The following STK38L variants were observed in gnomAD, a reference collection of about 807,000 sequenced individuals.
The protein encoded by STK38L is serine/threonine kinase 38 like, also known as serine/threonine-protein kinase 38-like.
STK38L carries 28 observed loss-of-function variants against 59.7 expected under a neutral mutation model. The ratio of observed to expected loss-of-function variants is 0.47; its 90% CI spans 0.35 to 0.64. The LOEUF (loss-of-function observed/expected upper bound fraction) is 0.64, where lower values mean the gene tolerates loss of function less well. Among genes scored for constraint, STK38L ranks in the 30% least tolerant of loss-of-function variants. The probability of loss-of-function intolerance (pLI) is 0.01; values close to 1 mark genes in which losing one functional copy is unlikely to be tolerated. For synonymous variants in STK38L, 162 were observed against 176.8 expected (o/e 0.92, Z 0.66); for missense variants, 314 against 555.8 (o/e 0.56, Z 4.37).
chr12:27,317,344 C>T lies in STK38L; in HGVS notation c.846C>T (p.Ser282=), dbSNP rs763665855. The T allele has an allele frequency of 1.9e-6, 3 of 1,604,978 alleles. No homozygotes were observed. The Admixed American group carries it at 5.2e-5, about 28-fold the overall frequency. The change falls in exon 10 of 14, where the codon TCC becomes TCT. Residue 282 remains serine (S), a synonymous_variant. Transcript: ENST00000389032. ...WKKNRRQLAY[S]TVGTPDYIAP... ...GAGTTGCTCCTTTGTAGGCATATTC[C>T]ACAGTTGGGACACCAGATTACATTG...
chr12:27,261,592 C>T (rs1387311653), intron 1 of STK38L, among the ~76,000 whole-genome samples: 2 of 152,168 alleles, frequency 1.3e-5, no homozygotes, highest in Non-Finnish European at 2.9e-5. Flanking sequence ...TTCATTGTTA[C>T]AGTAATATCT....
At chr12:27,307,331 T>C (rs1294271804) in intron 3 of STK38L, among the ~76,000 whole-genome samples, 1 of 152,240 alleles carries the variant, frequency 6.6e-6, no homozygotes, top group Non-Finnish European at 1.5e-5. Context: ...CAGAATTCCA[T>C]TGCATTGATA....
intron 1 of STK38L, among the ~76,000 whole-genome samples, chr12:27,288,987 T>C (rs1220074668): frequency 1.3e-5 from 2 of 152,308 alleles, no homozygotes; most frequent in African/African-American, 4.8e-5. Flanking sequence ...ATGCCCATAC[T>C]ATCTAAAAGT....
At chr12:27,286,119 T>C (rs1943766213) in intron 1 of STK38L, among the ~76,000 whole-genome samples, 1 of 152,200 alleles carries the variant, frequency 6.6e-6, no homozygotes, top group African/African-American at 2.4e-5. Flanking sequence ...CATCCAACTT[T>C]TTTTTGCTGT....
rs1943744871 is a variant in STK38L at position 27,285,158 on chromosome 12, C to T, written c.-11-12552C>T. Among the ~76,000 whole-genome samples, 3 of 152,268 alleles carry T rather than the reference C, an allele frequency of 2.0e-5. No individual in the cohort carries two copies. The South Asian group carries it at 6.2e-4, about 32-fold the overall frequency. ...ACCCCCAAAGGACTGCTGCTTCTGG[C>T]TCTTAAGTTGTTAAAACATTAGTCT... On this transcript the variant is annotated intron_variant, in intron 1 of 13. Transcript: ENST00000389032.
At position 27,320,442 on chromosome 12, in the gene STK38L, A is replaced by ATTT. The variant is rs34281958; in HGVS notation, c.1175+1039_1175+1041dup. On this transcript the variant is annotated intron_variant, in intron 12 of 13. Transcript: ENST00000389032. ...CCACCACACCCAGCTAATTTTGTTGATTTTTTTTTTTTTTTTTTTTTTGTA... is the reference window on the plus strand; with the variant it reads ...CCACCACACCCAGCTAATTTTGTTGATTTTTTTTTTTTTTTTTTTTTTTTTGTA... 2.7e-3 allele frequency among the ~76,000 whole-genome samples: 251 copies of ATTT among 91,870 alleles called. 3 individuals are homozygous for ATTT. The highest frequency in any genetic ancestry group is 4.6e-3 in the East Asian group (14 of 3,012). 60.3% of individuals were successfully genotyped at this position (91,870 alleles called of 152,430 possible).
intron 5 of STK38L, among the ~76,000 whole-genome samples, chr12:27,311,134 GT>G (rs760936161): frequency 3.9e-5 from 6 of 152,182 alleles, no homozygotes; most frequent in Non-Finnish European, 8.8e-5. Context: ...ATCAAGCCAT[GT>G]TTATGTTGTA....
At chr12:27,288,246 G>A (rs529623769) in intron 1 of STK38L, among the ~76,000 whole-genome samples, 1 of 151,882 alleles carries the variant, frequency 6.6e-6, no homozygotes, top group South Asian at 2.1e-4. Context: ...TTTGTGAACA[G>A]GATTATTTTT....
rs1195156964 is a variant in STK38L, at chr12:27,325,719, G to C, written c.*3264G>C. On this transcript the variant is annotated 3_prime_UTR_variant, in exon 14 of 14. Coordinates refer to ENST00000389032, the MANE Select transcript of STK38L (RefSeq NM_015000.4). ...AAATATGAGACACTTGGGACTACTA[G>C]AGATATTTTAGATTTTTATGAAAAA... 6.6e-6 allele frequency: 1 copy of C among 152,064 alleles called. No homozygotes were observed. The highest frequency in any genetic ancestry group is 2.4e-5 in the African/African-American group (1 of 41,392). 9.4% of individuals were successfully genotyped at this position (152,064 alleles called of 1,614,324 possible). A position where few individuals can be genotyped will look rare whatever the true frequency, so the allele number is the denominator to read the frequency against.
At chr12:27,281,893 G>A (rs988665023) in intron 1 of STK38L, among the ~76,000 whole-genome samples, 14 of 151,954 alleles carry the variant, frequency 9.2e-5, no homozygotes, top group South Asian at 2.1e-4. Context: ...AAAATCAGCC[G>A]GGCGTGATGG....
intron 1 of STK38L, among the ~76,000 whole-genome samples, chr12:27,279,224 T>A (rs1300436090): frequency 6.6e-6 from 1 of 152,180 alleles, no homozygotes; most frequent in Non-Finnish European, 1.5e-5. Flanking sequence ...TTAGGATTGG[T>A]TTATTGGGAT....
intron 1 of STK38L, among the ~76,000 whole-genome samples, chr12:27,275,599 A>T (rs1324316228): frequency 1.3e-5 from 2 of 152,114 alleles, no homozygotes; most frequent in Non-Finnish European, 2.9e-5. Context: ...TCGGCCTCCC[A>T]AACTGTTGGG....
At chr12:27,311,912 G>A (rs1402327938) in intron 5 of STK38L, among the ~76,000 whole-genome samples, 4 of 151,144 alleles carry the variant, frequency 2.6e-5, no homozygotes, top group Non-Finnish European at 4.4e-5. Context: ...ATGGAGTCTC[G>A]TTCTGTCACC....
chr12:27,272,686 G>A (rs1943449750), intron 1 of STK38L, among the ~76,000 whole-genome samples: 1 of 152,174 alleles, frequency 6.6e-6, no homozygotes, highest in South Asian at 2.1e-4. Flanking sequence ...CAAGATGTAA[G>A]TCACTTAGAA....
chr12:27,245,739 A>G (rs1942835878), intron 1 of STK38L: 1 of 152,100 alleles, frequency 6.6e-6, no homozygotes, highest in South Asian at 2.1e-4. Flanking sequence ...ATGATATTAC[A>G]TAATTTTATT....
intron 1 of STK38L, among the ~76,000 whole-genome samples, chr12:27,285,528 G>C (rs1409640844): frequency 6.6e-6 from 1 of 152,148 alleles, no homozygotes; most frequent in Non-Finnish European, 1.5e-5. Context: ...AAAAGCAAGT[G>C]TTCAAAGCTG....
At chr12:27,292,348 TA>T (rs1431030545) in intron 1 of STK38L, among the ~76,000 whole-genome samples, 8 of 134,266 alleles carry the variant, frequency 6.0e-5, no homozygotes, top group African/African-American at 3.1e-4. Context: ...TTCTTGTTTT[TA>T]AAGCTAATCT....
At position 27,284,263 on chromosome 12, in the gene STK38L, C is replaced by T. The variant is rs146598946; in HGVS notation, c.-11-13447C>T. ...GTAGTACAGTGTCCTGGAGTGGTCA[C>T]TGCACTGTGGACTCTCAGCTAGAAT... is the stretch of plus-strand genomic sequence containing the variant. On this transcript the variant is annotated intron_variant, in intron 1 of 13. Coordinates refer to ENST00000389032, the MANE Select transcript of STK38L (RefSeq NM_015000.4). 7.0e-4 allele frequency among the ~76,000 whole-genome samples: 106 copies of T among 152,334 alleles called. 1 individual carries two copies. Among genetic ancestry groups the T allele is most frequent in the African/African-American group, 2.4e-3 (101 of 41,572 alleles).
At chr12:27,275,555 C>G (rs1014834011) in intron 1 of STK38L, among the ~76,000 whole-genome samples, 2 of 151,996 alleles carry the variant, frequency 1.3e-5, no homozygotes, top group African/African-American at 4.8e-5. Context: ...GCCAGGCTGG[C>G]CCTGAACCCC....
Sources: allele counts gnomAD v4.1 joint callset (sites outside exome capture counted in the v4.1 genomes callset), GRCh38; gene constraint gnomAD v4.1.1; transcripts MANE v1.5; gene names NCBI Gene and HGNC (gene_info 2026-07-23, HGNC 2026-07-21).